IMMP2L: variants seen among roughly 807,000 people sequenced by gnomAD.
The protein encoded by IMMP2L is inner mitochondrial membrane peptidase subunit 2.
Under a neutral mutation model 19.3 loss-of-function variants are expected in IMMP2L, and 18 were observed. The ratio of observed to expected loss-of-function variants is 0.93; its 90% confidence interval spans 0.64 to 1.38. The LOEUF (loss-of-function observed/expected upper bound fraction) is 1.38. Ranked by LOEUF, IMMP2L falls within the 40% of genes most tolerant of loss-of-function variation. The pLI is 0.00. For synonymous variants in IMMP2L, 76 were observed against 73.0 expected (o/e 1.04, Z -0.21); for missense variants, 233 against 218.2 (o/e 1.07, Z -0.43).
intron 5 of IMMP2L, among the ~76,000 whole-genome samples, chr7:110,690,079 T>C (rs1584510329): frequency 6.6e-6 from 1 of 152,260 alleles, no homozygotes; most frequent in Middle Eastern, 3.4e-3. Flanking sequence ...CACTGAGGGG[T>C]CAGGACTTTC....
intron 3 of IMMP2L, among the ~76,000 whole-genome samples, chr7:111,306,228 G>A (rs1822851790): frequency 6.6e-6 from 1 of 152,094 alleles, no homozygotes; most frequent in Non-Finnish European, 1.5e-5. Flanking sequence ...TACTCTAGCA[G>A]TGGATACATG....
At chr7:111,047,753 G>C (rs377298648) in intron 3 of IMMP2L, among the ~76,000 whole-genome samples, 1 of 152,136 alleles carries the variant, frequency 6.6e-6, no homozygotes, top group Non-Finnish European at 1.5e-5. Flanking sequence ...GTGGTGGCTA[G>C]TTAACAACCC....
intron 2 of IMMP2L, among the ~76,000 whole-genome samples, chr7:111,511,619 A>C (rs1845450710): frequency 6.6e-6 from 1 of 151,088 alleles, no homozygotes; most frequent in African/African-American, 2.4e-5. Context: ...ACTGCACTCC[A>C]GCCTGGGCAA....
chr7:110,664,140 C>A (rs1264148460), intron 5 of IMMP2L, among the ~76,000 whole-genome samples: 1 of 152,044 alleles, frequency 6.6e-6, no homozygotes, highest in Non-Finnish European at 1.5e-5. Flanking sequence ...TTGCATAGAC[C>A]CAGGAAGCAT....
At chr7:111,511,669 CT>C (rs1333730156) in intron 2 of IMMP2L, among the ~76,000 whole-genome samples, 2 of 150,050 alleles carry the variant, frequency 1.3e-5, no homozygotes, top group Non-Finnish European at 1.5e-5. Flanking sequence ...AAAAAAAGGC[CT>C]TAAGAAAAGC....
chr7:110,700,957 T>C (rs1262985376), intron 5 of IMMP2L, among the ~76,000 whole-genome samples: 1 of 152,192 alleles, frequency 6.6e-6, no homozygotes, highest in Non-Finnish European at 1.5e-5. Context: ...TTTATATCCA[T>C]TTTATAGATT....
chr7:111,112,603 C>CT (rs538424328), intron 3 of IMMP2L, among the ~76,000 whole-genome samples: 250 of 152,216 alleles, frequency 1.6e-3, no homozygotes, highest in African/African-American at 4.9e-3. Flanking sequence ...ATTTTTAAAA[C>CT]TTTTTTGTAT....
intron 3 of IMMP2L, among the ~76,000 whole-genome samples, chr7:111,451,342 G>C (rs1361039854): frequency 6.6e-6 from 1 of 151,292 alleles, no homozygotes; most frequent in Admixed American, 6.6e-5. Flanking sequence ...ACTAGATTAA[G>C]AAAATGTGGC....
At position 111,535,563 on chromosome 7, in the gene IMMP2L, T is replaced by C. The variant is rs550858772; in HGVS notation, c.-2-14114A>G. ...GAGTGAATTAAACAGTCATCAACTA[T>C]GGTGGGGCAGGAAAAGGGACTAATC... On this transcript the variant is annotated intron_variant, in intron 1 of 5. Coordinates refer to ENST00000405709, the MANE Select transcript of IMMP2L (RefSeq NM_032549.4). Among the ~76,000 whole-genome samples the C allele has an allele frequency of 5.9e-5, 9 of 152,214 alleles. No homozygotes were observed. The East Asian group carries it at 1.5e-3, about 26-fold the overall frequency.
intron 3 of IMMP2L, among the ~76,000 whole-genome samples, chr7:111,339,855 CT>C (rs1826835858): frequency 6.6e-6 from 1 of 151,908 alleles, no homozygotes; most frequent in Non-Finnish European, 1.5e-5. Flanking sequence ...GGAACTGAGG[CT>C]AAAATAGCAT....
At chr7:111,450,894 G>A (rs1476519866) in intron 3 of IMMP2L, among the ~76,000 whole-genome samples, 1 of 151,538 alleles carries the variant, frequency 6.6e-6, no homozygotes, top group Non-Finnish European at 1.5e-5. Context: ...CAAAAAGTGG[G>A]CGAGGGACAT....
At chr7:111,036,686 T>G (rs1469940067) in intron 3 of IMMP2L, among the ~76,000 whole-genome samples, 1 of 152,152 alleles carries the variant, frequency 6.6e-6, no homozygotes, top group East Asian at 1.9e-4. Flanking sequence ...ACACATCTCT[T>G]TTTAAAATAC....
chr7:110,672,377 C>T (rs956848338), intron 5 of IMMP2L, among the ~76,000 whole-genome samples: 15 of 152,108 alleles, frequency 9.9e-5, no homozygotes, highest in African/African-American at 2.9e-4. Context: ...GTGGGAATTA[C>T]AATTCAGGAT....
At chr7:110,696,213 C>A (rs1793861566) in intron 5 of IMMP2L, among the ~76,000 whole-genome samples, 1 of 152,052 alleles carries the variant, frequency 6.6e-6, no homozygotes, top group Non-Finnish European at 1.5e-5. Context: ...TACCTGAATG[C>A]CAGGCTAACA....
chr7:111,118,732 C>T (rs1800203438), intron 3 of IMMP2L, among the ~76,000 whole-genome samples: 1 of 152,038 alleles, frequency 6.6e-6, no homozygotes, highest in African/African-American at 2.4e-5. Context: ...AATGAAATAT[C>T]ATAATCATTT....
chr7:111,123,047 T>G lies in IMMP2L; in HGVS notation c.240-159482A>C. 6.2e-7 allele frequency: 1 copy of G among 1,613,886 alleles called. No individual in the cohort carries two copies. The highest frequency in any genetic ancestry group is 2.2e-5 in the East Asian group (1 of 44,830). Reference sequence around the variant, plus strand: ...ATTGAATACTCCACAGACTTTCCAGTAAACCTTACTGGCCTGGATTTATCT... The same window carrying G: ...ATTGAATACTCCACAGACTTTCCAGGAAACCTTACTGGCCTGGATTTATCT... On this transcript the variant is annotated intron_variant, in intron 3 of 5. Coordinates refer to ENST00000405709, the MANE Select transcript of IMMP2L (RefSeq NM_032549.4). The surrounding 1 kb of genome is among the most constrained non-coding windows in gnomAD (Gnocchi z 6.4).
chr7:110,787,699 T>A (rs1430219039), intron 5 of IMMP2L, among the ~76,000 whole-genome samples: 4 of 151,934 alleles, frequency 2.6e-5, no homozygotes, highest in African/African-American at 9.7e-5. Flanking sequence ...CAATCATTCA[T>A]TCACCTAAAA....
intron 4 of IMMP2L, among the ~76,000 whole-genome samples, chr7:110,898,094 G>C (rs1811502293): frequency 6.6e-6 from 1 of 151,490 alleles, no homozygotes; most frequent in Non-Finnish European, 1.5e-5. Flanking sequence ...TTATGCTTTT[G>C]TGTAAATTAT....
chr7:111,232,757 C>T (rs1186843120), intron 3 of IMMP2L, among the ~76,000 whole-genome samples: 2 of 151,996 alleles, frequency 1.3e-5, no homozygotes, highest in Non-Finnish European at 2.9e-5. Flanking sequence ...ACAGTTTCTC[C>T]TTGTTTACAA....
Sources: allele counts gnomAD v4.1 joint callset (sites outside exome capture counted in the v4.1 genomes callset), GRCh38; gene constraint gnomAD v4.1.1; non-coding constraint Gnocchi (gnomAD v3.1); transcripts MANE v1.5; gene names NCBI Gene and HGNC (gene_info 2026-07-23, HGNC 2026-07-21).